The following SIK3 variants were observed in gnomAD, a reference collection of about 807,000 sequenced individuals.
SIK3 encodes the protein SIK family kinase 3.
Under a neutral mutation model 144.2 loss-of-function variants are expected in SIK3, and 28 were observed. The observed-to-expected ratio is 0.19, with a 90% CI of 0.14 to 0.27. The LOEUF (loss-of-function observed/expected upper bound fraction) is 0.27, where lower values mean the gene tolerates loss of function less well. Among genes scored for constraint, SIK3 ranks in the 10% least tolerant of loss-of-function variants. The probability of loss-of-function intolerance (pLI) is 1.00; values close to 1 mark genes in which losing one functional copy is unlikely to be tolerated. For missense variants in SIK3, 1,319 were observed against 1,776.0 expected (o/e 0.74, Z 4.62); for synonymous variants, 686 against 676.3 (o/e 1.01, Z -0.22).
At position 116,872,726 on chromosome 11, in the gene SIK3, T is replaced by C. The variant is rs529422364; in HGVS notation, c.1737+755A>G. 7.2e-5 allele frequency among the ~76,000 whole-genome samples: 11 copies of C among 152,372 alleles called. No individual in the cohort carries two copies. In the South Asian group the frequency reaches 2.3e-3, roughly 32 times the overall value. On this transcript the variant is annotated intron_variant, in intron 13 of 24. Transcript: ENST00000445177. ...TGTGTTTAAATTTTCACTGTTCTAA[T>C]GTTTCACTTTTACTATATTTTACAA... is the stretch of plus-strand genomic sequence containing the variant.
intron 1 of SIK3, among the ~76,000 whole-genome samples, chr11:116,981,089 C>T (rs148596904): frequency 3.9e-5 from 6 of 152,246 alleles, no homozygotes; most frequent in African/African-American, 9.6e-5. Flanking sequence ...ACCTGTCAAT[C>T]GATGCATATC....
chr11:116,937,936 G>A (rs1457494259), intron 3 of SIK3, among the ~76,000 whole-genome samples: 2 of 152,100 alleles, frequency 1.3e-5, no homozygotes, highest in African/African-American at 4.8e-5. Flanking sequence ...TGGGCACGGT[G>A]GCTCACGCCT....
At chr11:117,014,517 CAACT>C (rs1309868431) in intron 1 of SIK3, among the ~76,000 whole-genome samples, 1 of 151,460 alleles carries the variant, frequency 6.6e-6, no homozygotes, top group Non-Finnish European at 1.5e-5. Flanking sequence ...TCAAAAGACA[CAACT>C]AACAGGGAAA....
At chr11:117,021,756 G>A (rs1951769630) in intron 1 of SIK3, among the ~76,000 whole-genome samples, 1 of 151,278 alleles carries the variant, frequency 6.6e-6, no homozygotes, top group Non-Finnish European at 1.5e-5. Context: ...CTAGGAACTC[G>A]AGTCCTGTCT....
rs148967151 is a variant in SIK3 at position 116,936,979 on chromosome 11, C to T, written c.455-9599G>A. 5.5e-4 allele frequency among the ~76,000 whole-genome samples: 84 copies of T among 152,334 alleles called. No homozygotes were observed. The East Asian group carries it at 0.016, about 28-fold the overall frequency. Reference sequence around the variant, plus strand: ...AAAGTCCAGCTTAAAGGTCATTTCTCTGAAGCTAACCCTAACCTACTCACC... The same window carrying T: ...AAAGTCCAGCTTAAAGGTCATTTCTTTGAAGCTAACCCTAACCTACTCACC... On this transcript the variant is annotated intron_variant, in intron 3 of 24. Transcript: ENST00000445177.
chr11:117,019,172 G>A (rs942169833), intron 1 of SIK3, among the ~76,000 whole-genome samples: 9 of 151,154 alleles, frequency 6.0e-5, no homozygotes, highest in African/African-American at 1.5e-4. Flanking sequence ...GGTGCACACC[G>A]CCACACCTGG....
intron 1 of SIK3, among the ~76,000 whole-genome samples, chr11:116,991,645 C>A (rs1565533907): frequency 6.6e-6 from 1 of 152,150 alleles, no homozygotes; most frequent in East Asian, 1.9e-4. Flanking sequence ...AAAGGTCTAA[C>A]CAACCTATTA....
At chr11:117,091,292 C>A (rs1284216765) in intron 1 of SIK3, among the ~76,000 whole-genome samples, 1 of 145,378 alleles carries the variant, frequency 6.9e-6, no homozygotes, top group South Asian at 2.2e-4. Flanking sequence ...GCAACCTCTG[C>A]CTCCTGGGTT....
Position 117,054,838 on chromosome 11 carries a change from T to C in SIK3, c.273+43305A>G, listed in dbSNP as rs537809188. Among the ~76,000 whole-genome samples, 7 of 152,228 alleles carry C rather than the reference T, an allele frequency of 4.6e-5. No homozygotes were observed. In the East Asian group the frequency reaches 7.7e-4, roughly 17 times the overall value. On this transcript the variant is annotated intron_variant, in intron 1 of 24. Coordinates refer to ENST00000445177, the MANE Select transcript of SIK3 (RefSeq NM_001366686.3). ...CAAAATAACAGTACTTGCTGACTGG[T>C]TGCATATGAAGGATAAGGAAGACAG...
intron 3 of SIK3, among the ~76,000 whole-genome samples, chr11:116,949,934 G>C (rs755564358): frequency 6.6e-6 from 1 of 152,100 alleles, no homozygotes; most frequent in Non-Finnish European, 1.5e-5. Flanking sequence ...TAGGGCTCTG[G>C]AGCTGGGGTT....
chr11:117,051,167 G>C (rs1393303296), intron 1 of SIK3, among the ~76,000 whole-genome samples: 1 of 152,064 alleles, frequency 6.6e-6, no homozygotes, highest in Non-Finnish European at 1.5e-5. Flanking sequence ...TCTTGAGCTG[G>C]GATATCCATC....
chr11:117,057,998 A>G (rs1237791915), intron 1 of SIK3, among the ~76,000 whole-genome samples: 1 of 152,208 alleles, frequency 6.6e-6, no homozygotes, highest in Non-Finnish European at 1.5e-5. Context: ...GGCAAATGGA[A>G]GGTCAGGGAA....
intron 1 of SIK3, among the ~76,000 whole-genome samples, chr11:117,048,452 T>C (rs1396656858): frequency 6.6e-6 from 1 of 151,496 alleles, no homozygotes; most frequent in African/African-American, 2.4e-5. Context: ...CGGTTGGGAG[T>C]TCGAGACCAG....
At chr11:116,920,391 G>A (rs1946896558) in intron 4 of SIK3, among the ~76,000 whole-genome samples, 1 of 151,908 alleles carries the variant, frequency 6.6e-6, no homozygotes, top group Non-Finnish European at 1.5e-5. Flanking sequence ...TCAGGCCTTT[G>A]CATTGTTCTT....
At chr11:116,872,710 A>T (rs1944030204) in intron 13 of SIK3, among the ~76,000 whole-genome samples, 1 of 152,204 alleles carries the variant, frequency 6.6e-6, no homozygotes, top group Non-Finnish European at 1.5e-5. Context: ...ATGTGTTTAA[A>T]TTTTCACTGT....
chr11:116,888,766 C>T (rs980796032), intron 6 of SIK3, among the ~76,000 whole-genome samples: 4 of 152,198 alleles, frequency 2.6e-5, no homozygotes, highest in Non-Finnish European at 5.9e-5. Context: ...AGAGCGACTA[C>T]GTTTAGGATA....
chr11:116,899,146 G>A (rs1945599404), intron 4 of SIK3, among the ~76,000 whole-genome samples: 1 of 152,158 alleles, frequency 6.6e-6, no homozygotes, highest in Non-Finnish European at 1.5e-5. Context: ...ATTGATTTTT[G>A]TGTAAGGTGT....
intron 4 of SIK3, among the ~76,000 whole-genome samples, chr11:116,924,926 A>C (rs375334126): frequency 1.1e-4 from 16 of 152,140 alleles, no homozygotes; most frequent in East Asian, 5.8e-4. Flanking sequence ...CTATATCCCA[A>C]TCCCCCATAC....
intron 1 of SIK3, among the ~76,000 whole-genome samples, chr11:117,018,174 G>C (rs956325312): frequency 2.0e-5 from 3 of 152,054 alleles, no homozygotes; most frequent in African/African-American, 7.2e-5. Context: ...CTGGTTCCAG[G>C]AAGGACCCCT....
Sources: gnomAD v4.1 joint callset for allele counts (sites outside exome capture counted in the v4.1 genomes callset) on GRCh38, gnomAD v4.1.1 for gene constraint, MANE v1.5 for transcripts, NCBI Gene and HGNC (gene_info 2026-07-23, HGNC 2026-07-21) for gene names.